Variants in HFM1 observed in about 807,000 individuals in gnomAD.
HFM1 encodes the protein probable ATP-dependent DNA helicase HFM1.
HFM1 carries 169 observed loss-of-function variants against 192.1 expected under a neutral mutation model. The observed-to-expected ratio is 0.88, with a 90% CI of 0.78 to 1.00. The LOEUF is 1.00. Among genes scored for constraint, HFM1 ranks in the 50% least tolerant of loss-of-function variants. The pLI is 0.00. For missense variants in HFM1, 1,661 were observed against 1,668.0 expected, an observed-to-expected ratio of 1.00 and a Z score of 0.07; for synonymous variants, 525 against 537.8, an observed-to-expected ratio of 0.98 and a Z score of 0.33.
intron 28 of HFM1, among the ~76,000 whole-genome samples, 194 bp downstream of exon 28, chr1:91,315,621 A>AT (rs1350188241): frequency 6.6e-6 from 1 of 152,226 alleles, no homozygotes; most frequent in Non-Finnish European, 1.5e-5. Flanking sequence ...AGTACTAAAT[A>AT]TAACAATTTA....
chr1:91,395,142 T>A (rs1663498824), intron 3 of HFM1, among the ~76,000 whole-genome samples: 2 of 152,250 alleles, frequency 1.3e-5, no homozygotes, highest in South Asian at 2.1e-4. Context: ...CATACATTGT[T>A]TGAGTGTGCT....
At chr1:91,387,185 T>A (rs1662311474) in intron 4 of HFM1, among the ~76,000 whole-genome samples, 1 of 152,162 alleles carries the variant, frequency 6.6e-6, no homozygotes, top group East Asian at 1.9e-4. Context: ...TAATTAGCAA[T>A]GGCCAGTGAT....
chr1:91,337,279 C>T (rs1468653777), intron 20 of HFM1, among the ~76,000 whole-genome samples: 6 of 152,108 alleles, frequency 3.9e-5, no homozygotes, highest in African/African-American at 1.2e-4. Flanking sequence ...TACACATTAT[C>T]TGGCAAACAG....
rs769707115 is a variant in HFM1, at chr1:91,266,006, C to T, written c.3974+11G>A. 6.3e-7 allele frequency: 1 copy of T among 1,588,436 alleles called. No individual in the cohort carries two copies. Among genetic ancestry groups the T allele is most frequent in the Non-Finnish European group, 8.5e-7 (1 of 1,172,788 alleles). ...GTTGCAAATATTACAAACCTAAGTT[C>T]TAAAACTTGCCTGTTTGACATTTCT... On this transcript the variant is annotated intron_variant, in intron 36 of 38. Transcript: ENST00000370425.
At chr1:91,274,985 A>T (rs1218464163) in intron 32 of HFM1, among the ~76,000 whole-genome samples, 176 bp from the exon 33 acceptor site, 23 of 132,950 alleles carry the variant, frequency 1.7e-4, no homozygotes, top group East Asian at 4.5e-4. Context: ...AAATGTTGGC[A>T]TTTTTTTTTT....
intron 30 of HFM1, among the ~76,000 whole-genome samples, chr1:91,297,811 C>A (rs1330640310): frequency 1.3e-5 from 2 of 152,094 alleles, no homozygotes; most frequent in Non-Finnish European, 2.9e-5. Context: ...CATCAAAGAC[C>A]AAAGGTAGAT....
rs1471510313 is a variant in HFM1 at position 91,347,422 on chromosome 1, A to T, written c.2254+7T>A. ...GAATCTAATTTTTAGAATGAAATGC[A>T]TCTAACCTTGTAATTTTGCTTCAAT... On this transcript the variant is annotated splice_region_variant and intron_variant, in intron 19 of 38. Transcript: ENST00000370425. 1.3e-6 allele frequency: 2 copies of T among 1,546,706 alleles called. No homozygotes were observed. Among genetic ancestry groups the T allele is most frequent in the Non-Finnish European group, 1.8e-6 (2 of 1,128,970 alleles).
upstream of HFM1, among the ~76,000 whole-genome samples, chr1:91,405,427 G>A (rs1048880554): frequency 3.9e-5 from 6 of 152,144 alleles, no homozygotes; most frequent in African/African-American, 1.2e-4. Context: ...GGAATGTTTT[G>A]TAGATGATAA....
At chr1:91,351,712 GAA>G (rs1656960847) in intron 16 of HFM1, 69 bp from the exon 17 acceptor site, 1 of 724,290 alleles carries the variant, frequency 1.4e-6, no homozygotes, top group Non-Finnish European at 2.4e-6. Context: ...TTCAATAACT[GAA>G]GACTTCCATT....
chr1:91,333,419 A>C (rs1296346674), intron 20 of HFM1, among the ~76,000 whole-genome samples: 1 of 152,184 alleles, frequency 6.6e-6, no homozygotes, highest in Non-Finnish European at 1.5e-5. Context: ...GAACTCATGG[A>C]CATAGAGAGT....
intron 35 of HFM1, 40 bp downstream of exon 35, chr1:91,267,705 A>T: frequency 1.1e-6 from 1 of 907,216 alleles, no homozygotes; most frequent in South Asian, 1.7e-5. Context: ...ATATTCAAAG[A>T]ATTCCTAATG....
At chr1:91,339,094 A>T (rs1654993907) in intron 20 of HFM1, 4 of 446,730 alleles carry the variant, frequency 9.0e-6, no homozygotes, top group Non-Finnish European at 4.5e-6. Flanking sequence ...GACATCAAGG[A>T]ATATAAAAGA....
intron 30 of HFM1, among the ~76,000 whole-genome samples, chr1:91,300,606 C>T (rs1487218319): frequency 1.3e-5 from 2 of 152,146 alleles, no homozygotes; most frequent in Admixed American, 1.3e-4. Context: ...GGGCTTCATC[C>T]CTGGGATGCA....
At chr1:91,313,075 C>G (rs1157198483) in intron 30 of HFM1, among the ~76,000 whole-genome samples, 1 of 152,050 alleles carries the variant, frequency 6.6e-6, no homozygotes, top group Admixed American at 6.6e-5. Context: ...CTTTTTCTTC[C>G]CAGTCTCAGG....
At chr1:91,276,418 C>G (rs201492700) in intron 32 of HFM1, among the ~76,000 whole-genome samples, 2 of 151,474 alleles carry the variant, frequency 1.3e-5, no homozygotes, top group East Asian at 3.9e-4. Flanking sequence ...ATTCTTGGTG[C>G]TCAAAGAAGA....
intron 30 of HFM1, among the ~76,000 whole-genome samples, chr1:91,302,457 C>G (rs1296857714): frequency 1.3e-5 from 2 of 152,102 alleles, no homozygotes; most frequent in Non-Finnish European, 2.9e-5. Flanking sequence ...GATTATAAAA[C>G]ATGCTGCTAT....
At chr1:91,387,266 T>C (rs570823217) in intron 4 of HFM1, among the ~76,000 whole-genome samples, 12 of 152,238 alleles carry the variant, frequency 7.9e-5, no homozygotes, top group African/African-American at 2.9e-4. Context: ...AATCCAACGC[T>C]TGGTGAATTC....
upstream of HFM1, among the ~76,000 whole-genome samples, chr1:91,406,981 T>C (rs1664836740): frequency 6.6e-6 from 1 of 152,228 alleles, no homozygotes; most frequent in African/African-American, 2.4e-5. Flanking sequence ...GAGCTCTCTC[T>C]GCACCCAGCT....
chr1:91,330,660 G>A (rs576235376), intron 20 of HFM1, among the ~76,000 whole-genome samples: 7 of 151,088 alleles, frequency 4.6e-5, no homozygotes, highest in African/African-American at 1.4e-4. Flanking sequence ...CTACTAGGAC[G>A]TTATTACCCT....
Sources: gnomAD v4.1 joint callset for allele counts (sites outside exome capture counted in the v4.1 genomes callset) on GRCh38, gnomAD v4.1.1 for gene constraint, MANE v1.5 for transcripts, NCBI Gene and HGNC (gene_info 2026-07-23, HGNC 2026-07-21) for gene names.